The following ASIC2 variants were observed in gnomAD, a reference collection of about 807,000 sequenced individuals.
ASIC2 encodes the protein acid-sensing ion channel 2.
ASIC2 carries 25 observed loss-of-function variants against 57.3 expected under a neutral mutation model. The ratio of observed to expected loss-of-function variants is 0.44; its 90% CI spans 0.32 to 0.61. The LOEUF (loss-of-function observed/expected upper bound fraction) is 0.61. ASIC2 is among the 20% of genes least tolerant of loss of function. The probability of loss-of-function intolerance (pLI) is 0.06; values close to 1 mark genes in which losing one functional copy is unlikely to be tolerated. For missense variants in ASIC2, 641 were observed against 738.1 expected (o/e 0.87, Z 1.52); for synonymous variants, 319 against 307.5 (o/e 1.04, Z -0.39).
At chr17:33,816,433 T>C (rs151237341) in intron 1 of ASIC2, among the ~76,000 whole-genome samples, 1 of 152,216 alleles carries the variant, frequency 6.6e-6, no homozygotes, top group Non-Finnish European at 1.5e-5. Context: ...CATGTAATTC[T>C]GGCAACATTG....
intron 1 of ASIC2, among the ~76,000 whole-genome samples, chr17:34,151,530 AGAGTT>A (rs1470535007): frequency 1.3e-5 from 2 of 152,158 alleles, no homozygotes. Flanking sequence ...TGAGCTTCCT[AGAGTT>A]GAGTTTGGGA....
chr17:33,977,194 T>C (rs990470019), intron 1 of ASIC2, among the ~76,000 whole-genome samples: 5 of 151,684 alleles, frequency 3.3e-5, no homozygotes, highest in Non-Finnish European at 5.9e-5. Context: ...GCATTTCCTA[T>C]GGACTGCTCT....
Position 33,738,394 on chromosome 17 carries a change from C to G in ASIC2, c.555+417584G>C, listed in dbSNP as rs571156245. Reference sequence around the variant, plus strand: ...TTTCATATGCTTCCAAAAGTCAGCACCTGCATTTTCTGGTCTGCCTCTGGG... The same window carrying G: ...TTTCATATGCTTCCAAAAGTCAGCAGCTGCATTTTCTGGTCTGCCTCTGGG... On this transcript the variant is annotated intron_variant, in intron 1 of 9. Coordinates refer to the ASIC2 transcript ENST00000359872. Among the ~76,000 whole-genome samples, 8 of 152,278 alleles carry G rather than the reference C, an allele frequency of 5.3e-5. No homozygotes were observed. In the East Asian group the frequency reaches 1.5e-3, roughly 29 times the overall value.
intron 1 of ASIC2, among the ~76,000 whole-genome samples, chr17:33,890,601 C>T (rs1445962246): frequency 6.6e-6 from 1 of 152,186 alleles, no homozygotes; most frequent in Non-Finnish European, 1.5e-5. Context: ...TGGATCTGGG[C>T]ATGCTGCTTC....
chr17:33,488,459 TTTTTTA>T (rs1426157635), intron 1 of ASIC2, among the ~76,000 whole-genome samples: 8 of 152,252 alleles, frequency 5.3e-5, no homozygotes, highest in Non-Finnish European at 1.2e-4. Flanking sequence ...TGAAAGATTC[TTTTTTA>T]TTTTTAAGTC....
intron 1 of ASIC2, among the ~76,000 whole-genome samples, chr17:33,169,024 A>T (rs1187988428): frequency 2.0e-5 from 3 of 152,308 alleles, no homozygotes; most frequent in Middle Eastern, 3.4e-3. Context: ...GAGCTCTAGG[A>T]GAGCAGAATG....
chr17:33,439,477 A>G lies in ASIC2; in HGVS notation c.556-327410T>C, dbSNP rs535735575. Among the ~76,000 whole-genome samples the G allele has an allele frequency of 4.6e-5, 7 of 152,304 alleles. No homozygotes were observed. In the East Asian group the frequency reaches 5.8e-4, roughly 13 times the overall value. The stretch of plus-strand genomic sequence containing the variant: ...AGAGCATGTTAAGAATAGGGATATC[A>G]TAGGGGTTCCATGCAAAGTTGTTTT... On this transcript the variant is annotated intron_variant, in intron 1 of 9. Transcript: ENST00000359872.
intron 1 of ASIC2, among the ~76,000 whole-genome samples, chr17:34,053,538 T>C (rs1325545096): frequency 6.6e-6 from 1 of 152,354 alleles, no homozygotes; most frequent in Non-Finnish European, 1.5e-5. Flanking sequence ...GTGACCTTTA[T>C]TGAGTATATA....
intron 1 of ASIC2, among the ~76,000 whole-genome samples, chr17:33,565,077 T>C (rs545974715): frequency 6.6e-6 from 1 of 152,322 alleles, no homozygotes; most frequent in African/African-American, 2.4e-5. Flanking sequence ...GATTTCCCAC[T>C]TCACACCTCT....
intron 1 of ASIC2, among the ~76,000 whole-genome samples, chr17:33,137,914 G>A (rs924663786): frequency 3.3e-5 from 5 of 152,224 alleles, no homozygotes; most frequent in Non-Finnish European, 7.3e-5. Flanking sequence ...GACAGGCTGT[G>A]TGGATTGCTA....
intron 1 of ASIC2, chr17:34,004,780 C>T (rs1205010489): frequency 6.6e-6 from 1 of 151,786 alleles, no homozygotes; most frequent in Non-Finnish European, 1.5e-5. Context: ...CCTTGTAGGC[C>T]TGCTTTTCTG....
At chr17:33,536,617 G>A (rs1461437938) in intron 1 of ASIC2, among the ~76,000 whole-genome samples, 1 of 152,136 alleles carries the variant, frequency 6.6e-6, no homozygotes, top group Admixed American at 6.5e-5. Context: ...ACCTTATCTT[G>A]CATATATGAC....
chr17:33,146,715 T>A (rs370233183), intron 1 of ASIC2, among the ~76,000 whole-genome samples: 1 of 152,332 alleles, frequency 6.6e-6, no homozygotes. Context: ...ACCTGTGTCC[T>A]CATCTGCTCG....
At chr17:33,442,977 T>C (rs537343132) in intron 1 of ASIC2, among the ~76,000 whole-genome samples, 1 of 152,340 alleles carries the variant, frequency 6.6e-6, no homozygotes, top group South Asian at 2.1e-4. Flanking sequence ...GGAAAAAATT[T>C]TGTCATCAGC....
chr17:33,583,457 G>C (rs1244053568), intron 1 of ASIC2, among the ~76,000 whole-genome samples: 1 of 152,198 alleles, frequency 6.6e-6, no homozygotes, highest in Non-Finnish European at 1.5e-5. Context: ...TTGCTTCGCA[G>C]TGGGCACTGT....
At chr17:33,239,051 T>C (rs1170726565) in intron 1 of ASIC2, among the ~76,000 whole-genome samples, 3 of 151,902 alleles carry the variant, frequency 2.0e-5, no homozygotes, top group African/African-American at 7.3e-5. Context: ...CCCAGCACTT[T>C]GGGAGGCCGA....
At chr17:33,641,866 G>T (rs1906575463) in intron 1 of ASIC2, among the ~76,000 whole-genome samples, 1 of 152,172 alleles carries the variant, frequency 6.6e-6, no homozygotes, top group Admixed American at 6.5e-5. Flanking sequence ...GCCTTCATCT[G>T]CATAATGGGC....
intron 1 of ASIC2, among the ~76,000 whole-genome samples, chr17:33,900,754 G>T (rs971915440): frequency 1.3e-5 from 2 of 152,182 alleles, no homozygotes; most frequent in Admixed American, 6.5e-5. Context: ...AGGTGGGAGG[G>T]TATCTAGGGA....
intron 1 of ASIC2, among the ~76,000 whole-genome samples, chr17:33,835,139 G>A (rs1042059530): frequency 6.6e-6 from 1 of 152,166 alleles, no homozygotes; most frequent in Admixed American, 6.5e-5. Flanking sequence ...TGGCCTCAGA[G>A]GCATTCTAGC....
Sources: allele counts gnomAD v4.1 joint callset (sites outside exome capture counted in the v4.1 genomes callset), GRCh38; gene constraint gnomAD v4.1.1; transcripts MANE v1.5; gene names NCBI Gene and HGNC (gene_info 2026-07-23, HGNC 2026-07-21).